Variants in VAV3 observed in about 807,000 individuals in gnomAD.
The protein encoded by VAV3 is guanine nucleotide exchange factor VAV3.
In VAV3, 94 loss-of-function variants were observed where a neutral mutation model predicts 131.2. That is an observed-to-expected ratio of 0.72 (90% CI 0.61 to 0.85). The LOEUF (loss-of-function observed/expected upper bound fraction) is 0.85, where lower values mean the gene tolerates loss of function less well. Ranked by LOEUF, VAV3 falls within the 40% of genes least tolerant of loss-of-function variation. The probability of loss-of-function intolerance (pLI) is 0.00; values close to 1 mark genes in which losing one functional copy is unlikely to be tolerated. For missense variants in VAV3, 939 were observed against 1,002.7 expected, an observed-to-expected ratio of 0.94 and a Z score of 0.86; for synonymous variants, 349 against 342.0, an observed-to-expected ratio of 1.02 and a Z score of -0.22.
At chr1:107,888,699 T>TC (rs1239930309) in intron 1 of VAV3, among the ~76,000 whole-genome samples, 6 of 151,812 alleles carry the variant, frequency 4.0e-5, no homozygotes, top group Non-Finnish European at 7.4e-5. Flanking sequence ...CCTCAAGTGA[T>TC]CCCCCCGCCT....
At chr1:107,796,426 C>T (rs746778194) in intron 2 of VAV3, among the ~76,000 whole-genome samples, 13 of 152,090 alleles carry the variant, frequency 8.5e-5, no homozygotes, top group Admixed American at 5.2e-4. Context: ...AAAAACAAGA[C>T]ATGTATACTG....
intron 1 of VAV3, among the ~76,000 whole-genome samples, chr1:107,898,226 TACAC>T (rs1322552871): frequency 1.3e-5 from 2 of 152,152 alleles, no homozygotes; most frequent in African/African-American, 4.8e-5. Flanking sequence ...TGTAGGGAAT[TACAC>T]ACAACAAATT....
chr1:107,831,251 T>C lies in VAV3; in HGVS notation c.321+43650A>G, dbSNP rs1323327032. ...AATACATGAAAAAATATGTGGAAAA[T>C]ACTTTAAAATAATATATGACATATA... On this transcript the variant is annotated intron_variant, in intron 2 of 26. Coordinates refer to ENST00000370056, the MANE Select transcript of VAV3 (RefSeq NM_006113.5). 2.0e-5 allele frequency among the ~76,000 whole-genome samples: 3 copies of C among 152,018 alleles called. No individual in the cohort carries two copies. The East Asian group carries it at 5.8e-4, about 29-fold the overall frequency.
At chr1:107,719,243 A>T (rs1466457879) in intron 15 of VAV3, among the ~76,000 whole-genome samples, 1 of 152,222 alleles carries the variant, frequency 6.6e-6, no homozygotes, top group Non-Finnish European at 1.5e-5. Context: ...TGCACGGCAA[A>T]AGAAACTGCC....
intron 15 of VAV3, among the ~76,000 whole-genome samples, chr1:107,733,226 T>A (rs1317466703): frequency 6.6e-6 from 1 of 152,070 alleles, no homozygotes; most frequent in Non-Finnish European, 1.5e-5. Flanking sequence ...CAAAACCCCA[T>A]TTGTAGGTCA....
rs531262645 is a variant in VAV3, at chr1:107,768,450, G to A, written c.708C>T (p.Ile236=). Residue 236 remains isoleucine (I), a synonymous_variant, in exon 7 of 27, where the codon ATC becomes ATT. Coordinates refer to ENST00000370056, the MANE Select transcript of VAV3 (RefSeq NM_006113.5). ...GCATATTTTTACTCACAGGAATGTTGATGAATACTGAATCAAATTCTGCTG... is the reference window on the plus strand; with the variant it reads ...GCATATTTTTACTCACAGGAATGTTAATGAATACTGAATCAAATTCTGCTG... ...LTAAEFDSVF[I]NIPELVKLHR... is the part of the protein sequence containing the mutation. 3.1e-6 allele frequency: 5 copies of A among 1,611,592 alleles called. No individual in the cohort carries two copies. Among genetic ancestry groups the A allele is most frequent in the South Asian group, 1.1e-5 (1 of 90,496 alleles).
At chr1:107,725,009 G>T (rs1661751662) in intron 15 of VAV3, among the ~76,000 whole-genome samples, 2 of 152,186 alleles carry the variant, frequency 1.3e-5, no homozygotes, top group Non-Finnish European at 2.9e-5. Flanking sequence ...GAAGGGGTGA[G>T]GTGAGAGACA....
At chr1:107,964,630 C>G in intron 1 of VAV3, 36 bp downstream of exon 1, 3 of 1,599,068 alleles carry the variant, frequency 1.9e-6, no homozygotes, top group Non-Finnish European at 2.6e-6. Flanking sequence ...TGGGAGCTGC[C>G]GGCTGGAGGC....
At chr1:107,872,906 T>C (rs1670316529) in intron 2 of VAV3, among the ~76,000 whole-genome samples, 2 of 152,218 alleles carry the variant, frequency 1.3e-5, no homozygotes, top group Non-Finnish European at 1.5e-5. Context: ...ACTGGTGGTA[T>C]TGGCAGTTTT....
At chr1:107,851,556 TAA>T (rs1378273267) in intron 2 of VAV3, among the ~76,000 whole-genome samples, 4 of 152,116 alleles carry the variant, frequency 2.6e-5, no homozygotes, top group Non-Finnish European at 5.9e-5. Flanking sequence ...ATTTGCAAGA[TAA>T]AAAAGTCACC....
At chr1:107,838,375 T>G (rs1668563782) in intron 2 of VAV3, among the ~76,000 whole-genome samples, 1 of 152,112 alleles carries the variant, frequency 6.6e-6, no homozygotes, top group Admixed American at 6.6e-5. Context: ...ATCAGAGAAA[T>G]GCACATCAAA....
intron 1 of VAV3, among the ~76,000 whole-genome samples, chr1:107,903,959 T>G (rs1362828182): frequency 6.6e-6 from 1 of 152,152 alleles, no homozygotes; most frequent in African/African-American, 2.4e-5. Context: ...ACCACTCCCA[T>G]GCCCTCATCG....
At chr1:107,700,766 T>C (rs548706660) in intron 17 of VAV3, among the ~76,000 whole-genome samples, 2 of 152,234 alleles carry the variant, frequency 1.3e-5, no homozygotes, top group Non-Finnish European at 2.9e-5. Context: ...AACATACGCA[T>C]GCATGTATCT....
chr1:107,704,595 C>G lies in VAV3; in HGVS notation c.1660G>C (p.Glu554Gln). ...CFKCGARAHK[E>Q]CLGRVDNCGR... Reference sequence around the variant, plus strand: ...CAATTGTCTACTCTTCCCAAACATTCTTTGTGTGCTCTCGCTCCACACTTA... The same window carrying G: ...CAATTGTCTACTCTTCCCAAACATTGTTTGTGTGCTCTCGCTCCACACTTA... The change falls in exon 17 of 27, where the codon GAA (glutamate) becomes CAA (glutamine). Residue 554 changes from glutamate to glutamine, a missense_variant. Glu to Gln is a conservative substitution (Grantham distance 29). Transcript: ENST00000370056. The G allele has an allele frequency of 6.2e-7, 1 of 1,613,974 alleles. No homozygotes were observed.
chr1:107,824,616 A>G (rs1003696572), intron 2 of VAV3, among the ~76,000 whole-genome samples: 13 of 152,226 alleles, frequency 8.5e-5, no homozygotes, highest in Non-Finnish European at 7.3e-5. Flanking sequence ...CTATATCTGT[A>G]CTTCCAGCAA....
intron 2 of VAV3, among the ~76,000 whole-genome samples, chr1:107,808,906 G>A (rs1172296918): frequency 6.6e-6 from 1 of 152,066 alleles, no homozygotes; most frequent in Non-Finnish European, 1.5e-5. Context: ...ATTCCTAGAA[G>A]TGAATAATTT....
intron 2 of VAV3, among the ~76,000 whole-genome samples, chr1:107,832,454 G>A (rs968661259): frequency 6.6e-6 from 1 of 152,266 alleles, no homozygotes; most frequent in African/African-American, 2.4e-5. Context: ...AATGACCTGC[G>A]AGTCTCACAG....
chr1:107,698,175 G>T (rs1659860006), intron 17 of VAV3, among the ~76,000 whole-genome samples: 1 of 152,156 alleles, frequency 6.6e-6, no homozygotes, highest in African/African-American at 2.4e-5. Context: ...AAGTACAAAT[G>T]GTCCCCAATT....
intron 20 of VAV3, 77 bp downstream of exon 20, chr1:107,642,542 T>C: frequency 6.5e-7 from 1 of 1,547,546 alleles, no homozygotes; most frequent in South Asian, 1.2e-5. Context: ...GGACTCGCCC[T>C]GAATTCCTTC....
Sources: allele counts gnomAD v4.1 joint callset (sites outside exome capture counted in the v4.1 genomes callset), GRCh38; gene constraint gnomAD v4.1.1; transcripts MANE v1.5; gene names NCBI Gene and HGNC (gene_info 2026-07-23, HGNC 2026-07-21).